PTCHD4: variants seen among roughly 807,000 people sequenced by gnomAD.
The protein encoded by PTCHD4 is patched domain-containing protein 4.
PTCHD4 carries 33 observed loss-of-function variants against 58.1 expected under a neutral mutation model. The observed-to-expected ratio is 0.57, with a 90% CI of 0.43 to 0.76. The LOEUF (loss-of-function observed/expected upper bound fraction) is 0.76, where lower values mean the gene tolerates loss of function less well. Ranked by LOEUF, PTCHD4 falls within the 30% of genes least tolerant of loss-of-function variation. PTCHD4 has a pLI of 0.00. For missense variants in PTCHD4, 1,058 were observed against 1,027.1 expected (o/e 1.03, Z -0.41); for synonymous variants, 478 against 409.6 (o/e 1.17, Z -2.02).
At chr6:47,982,997 C>G (rs1767940331) in intron 4 of PTCHD4, among the ~76,000 whole-genome samples, 1 of 152,034 alleles carries the variant, frequency 6.6e-6, no homozygotes, top group African/African-American at 2.4e-5. Context: ...ATATTATGTA[C>G]ATGACAAAGC....
rs1478582300 is a variant in PTCHD4, at chr6:47,872,692, G to T, written c.*5611C>A. Among the ~76,000 whole-genome samples the T allele has an allele frequency of 4.6e-5, 7 of 151,530 alleles. No homozygotes were observed. The East Asian group carries it at 1.4e-3, about 29-fold the overall frequency. On this transcript the variant is annotated 3_prime_UTR_variant, in exon 5 of 5. Transcript: ENST00000339488. ...TTAAGATAGTGCAAAATCAGTGATA[G>T]TTTCCTTTATAAATACTTTATTATA...
intron 1 of PTCHD4, among the ~76,000 whole-genome samples, chr6:48,099,532 T>A (rs928584499): frequency 4.6e-5 from 7 of 152,172 alleles, no homozygotes; most frequent in African/African-American, 1.7e-4. Flanking sequence ...AGAATATAAA[T>A]CCTAGGAATA....
chr6:48,083,197 AG>A (rs1460579198), intron 1 of PTCHD4, among the ~76,000 whole-genome samples: 1 of 151,230 alleles, frequency 6.6e-6, no homozygotes, highest in African/African-American at 2.4e-5. Context: ...GGTATTGGCA[AG>A]CTTTTTCTGT....
rs1763700204 is a variant in PTCHD4, at chr6:47,871,001, A to G, written c.*7302T>C. On this transcript the variant is annotated 3_prime_UTR_variant, in exon 5 of 5. Coordinates refer to ENST00000339488, the MANE Select transcript of PTCHD4 (RefSeq NM_001384253.1). ...TGAGGTTTGTAGTGTTAATACATCAAAGTTTCATAATTTCATACATTTAGT... is the reference window on the plus strand; with the variant it reads ...TGAGGTTTGTAGTGTTAATACATCAGAGTTTCATAATTTCATACATTTAGT... Among the ~76,000 whole-genome samples the G allele has an allele frequency of 6.6e-6, 1 of 151,632 alleles. No homozygotes were observed. The highest frequency in any genetic ancestry group is 1.5e-5 in the Non-Finnish European group (1 of 67,698).
At chr6:48,025,235 A>G (rs1051017043) in intron 3 of PTCHD4, among the ~76,000 whole-genome samples, 1 of 152,192 alleles carries the variant, frequency 6.6e-6, no homozygotes, top group Non-Finnish European at 1.5e-5. Flanking sequence ...TGGATGGTAG[A>G]TATCTTAATT....
In PTCHD4 at chr6:48,068,425, G is replaced by T. The variant is rs1205429259; in HGVS notation, c.222C>A (p.Ser74Arg). The change falls in exon 3 of 5, where the codon AGC (serine) becomes AGA (arginine). Residue 74 changes from serine to arginine, a missense_variant. By Grantham distance (110) the Ser-to-Arg change is moderately radical (BLOSUM62 -1). Coordinates refer to ENST00000339488, the MANE Select transcript of PTCHD4 (RefSeq NM_001384253.1). The surrounding 1 kb of genome is among the most constrained non-coding windows in gnomAD (Gnocchi z 4.2). ...TGCGCTCGATCTTGGCCAGGCTGTG[G>T]CTGGGAGCGACCAGGCGCTCCAGGT... ...EGDLERLVAP[S>R]HSLAKIERSL... The T allele has an allele frequency of 6.2e-7, 1 of 1,613,960 alleles. No individual in the cohort carries two copies. Among genetic ancestry groups the T allele is most frequent in the South Asian group, 1.1e-5 (1 of 91,074 alleles).
At chr6:48,063,319 CTG>C (rs1198675381) in intron 3 of PTCHD4, among the ~76,000 whole-genome samples, 1 of 152,178 alleles carries the variant, frequency 6.6e-6, no homozygotes, top group Admixed American at 6.5e-5. Context: ...AAGCTTCACT[CTG>C]TGTCACCTTC....
At chr6:47,916,499 T>A (rs2113876470) in intron 4 of PTCHD4, among the ~76,000 whole-genome samples, 1 of 152,098 alleles carries the variant, frequency 6.6e-6, no homozygotes, top group Admixed American at 6.5e-5. Context: ...CTACAAATAA[T>A]CAGTCGATTA....
At position 47,993,206 on chromosome 6, in the gene PTCHD4, G is replaced by A. The variant is rs940816570; in HGVS notation, c.898+15428C>T. ...CCACCATGACCTAAAAATGATTATG[G>A]AAGTCACCAATGCAATAATTTTTCT... On this transcript the variant is annotated intron_variant, in intron 4 of 4. Coordinates refer to ENST00000339488, the MANE Select transcript of PTCHD4 (RefSeq NM_001384253.1). Among the ~76,000 whole-genome samples the A allele has an allele frequency of 2.6e-5, 4 of 152,056 alleles. No homozygotes were observed. The East Asian group carries it at 5.8e-4, about 22-fold the overall frequency.
rs1333274726 is a variant in PTCHD4 at position 47,875,799 on chromosome 6, T to G, written c.*2504A>C. Among the ~76,000 whole-genome samples, 1 of 151,822 alleles carries G rather than the reference T, an allele frequency of 6.6e-6. No individual in the cohort carries two copies. Among genetic ancestry groups the G allele is most frequent in the Non-Finnish European group, 1.5e-5 (1 of 67,882 alleles). On this transcript the variant is annotated 3_prime_UTR_variant, in exon 5 of 5. Coordinates refer to ENST00000339488, the MANE Select transcript of PTCHD4 (RefSeq NM_001384253.1). ...ATGTGCTTTTGACAACTGGCATGCT[T>G]GATTCTTTCCCTGTAAATCAGCCTG... is the stretch of plus-strand genomic sequence containing the variant.
chr6:47,888,764 G>T (rs569118927), intron 4 of PTCHD4, among the ~76,000 whole-genome samples: 1 of 144,060 alleles, frequency 6.9e-6, no homozygotes, highest in African/African-American at 2.6e-5. Flanking sequence ...CCACTAACTC[G>T]TCATCTAGCA....
At chr6:47,946,256 T>C (rs541867167) in intron 4 of PTCHD4, among the ~76,000 whole-genome samples, 10 of 152,288 alleles carry the variant, frequency 6.6e-5, no homozygotes, top group African/African-American at 1.7e-4. Flanking sequence ...TTACTGCTTT[T>C]TTTCTGCTAC....
chr6:47,980,167 A>C (rs925346994), intron 4 of PTCHD4, among the ~76,000 whole-genome samples: 2 of 152,046 alleles, frequency 1.3e-5, no homozygotes, highest in African/African-American at 4.8e-5. Flanking sequence ...CATGGAAGAG[A>C]AATGATTCTA....
intron 1 of PTCHD4, among the ~76,000 whole-genome samples, chr6:48,095,557 G>C (rs979809421): frequency 2.6e-5 from 4 of 151,982 alleles, no homozygotes; most frequent in Non-Finnish European, 1.5e-5. Flanking sequence ...TGGCGTGGCG[G>C]GGGGTGACTG....
chr6:47,955,343 G>A (rs1766815536), intron 4 of PTCHD4, among the ~76,000 whole-genome samples: 1 of 152,046 alleles, frequency 6.6e-6, no homozygotes, highest in Non-Finnish European at 1.5e-5. Flanking sequence ...AAGAATCAGA[G>A]AAAGAAAAAA....
At chr6:47,957,795 A>T (rs2113961625) in intron 4 of PTCHD4, among the ~76,000 whole-genome samples, 1 of 151,754 alleles carries the variant, frequency 6.6e-6, no homozygotes, top group Non-Finnish European at 1.5e-5. Context: ...TAGTAGAAAA[A>T]GGGTTTCATC....
chr6:48,063,948 C>G (rs995319102), intron 3 of PTCHD4, among the ~76,000 whole-genome samples: 1 of 152,140 alleles, frequency 6.6e-6, no homozygotes, highest in African/African-American at 2.4e-5. Flanking sequence ...CAACATCTTC[C>G]AAACCTGGAG....
At chr6:48,088,386 A>C (rs911059334) in intron 1 of PTCHD4, among the ~76,000 whole-genome samples, 2 of 152,198 alleles carry the variant, frequency 1.3e-5, no homozygotes, top group African/African-American at 4.8e-5. Flanking sequence ...TGTAGTTTAC[A>C]ATATTTCCTT....
At chr6:47,932,244 T>G (rs982000361) in intron 4 of PTCHD4, among the ~76,000 whole-genome samples, 1 of 152,184 alleles carries the variant, frequency 6.6e-6, no homozygotes, top group African/African-American at 2.4e-5. Flanking sequence ...GGTCCTCATA[T>G]CTAATAGTTG....
Sources: gnomAD v4.1 joint callset for allele counts (sites outside exome capture counted in the v4.1 genomes callset) on GRCh38, gnomAD v4.1.1 for gene constraint, Gnocchi (gnomAD v3.1) non-coding constraint, MANE v1.5 for transcripts, NCBI Gene and HGNC (gene_info 2026-07-23, HGNC 2026-07-21) for gene names.